Variants in PRRC2C observed in about 807,000 individuals in gnomAD.
PRRC2C encodes protein PRRC2C.
In PRRC2C, 72 loss-of-function variants were observed where a neutral mutation model predicts 317.2. The observed-to-expected ratio is 0.23, with a 90% CI of 0.19 to 0.28. The LOEUF is 0.28. Ranked by LOEUF, PRRC2C falls within the 10% of genes least tolerant of loss-of-function variation. PRRC2C has a pLI of 1.00. For missense variants in PRRC2C, 3,074 were observed against 3,459.7 expected (o/e 0.89, Z 2.80); for synonymous variants, 1,296 against 1,205.9 (o/e 1.07, Z -1.55).
At chr1:171,560,959 G>A in intron 19 of PRRC2C, 59 bp from the exon 20 acceptor site, 1 of 1,339,190 alleles carries the variant, frequency 7.5e-7, no homozygotes, top group East Asian at 2.3e-5. Context: ...GGGTTAAATG[G>A]GTTAGAGATT....
intron 17 of PRRC2C, among the ~76,000 whole-genome samples, chr1:171,548,897 G>A (rs1679667667): frequency 6.6e-6 from 1 of 152,046 alleles, no homozygotes; most frequent in East Asian, 1.9e-4. Flanking sequence ...GCTCTCCCAG[G>A]CTGGAGTGCA....
chr1:171,577,212 GAT>G (rs1647237720), intron 25 of PRRC2C, among the ~76,000 whole-genome samples: 1 of 151,956 alleles, frequency 6.6e-6, no homozygotes, highest in South Asian at 2.1e-4. Context: ...TTCTTGTTTT[GAT>G]TTTCTGTTGT....
chr1:171,532,469 G>T lies in PRRC2C; in HGVS notation c.1381G>T (p.Val461Leu). 6.2e-7 allele frequency: 1 copy of T among 1,613,522 alleles called. No homozygotes were observed. Among genetic ancestry groups the T allele is most frequent in the Non-Finnish European group, 8.5e-7 (1 of 1,179,688 alleles). The change falls in exon 12 of 35, where the codon GTA becomes TTA. Residue 461 changes from valine (V) to leucine (L), a missense_variant. This residue lies in a region of PRRC2C where 1,320 missense variants were observed against 1,395.7 expected (regional missense o/e 0.95). Coordinates refer to ENST00000647382, the MANE Select transcript of PRRC2C (RefSeq NM_001387844.1). ...RRQQSEISAA[V>L]ERARKRREEE... ...ACAACAATCAGAAATTTCTGCAGCA[G>T]TAGAACGTGCTCGTAAACGGCGTGA...
intron 25 of PRRC2C, among the ~76,000 whole-genome samples, chr1:171,575,918 C>T (rs1175044160): frequency 1.3e-5 from 2 of 152,146 alleles, no homozygotes; most frequent in South Asian, 4.1e-4. Context: ...GACTGGTTCT[C>T]ATTCAATATT....
Position 171,557,685 on chromosome 1 carries a change from T to G in PRRC2C, c.5573T>G (p.Leu1858Arg), listed in dbSNP as rs1377917964. 1.9e-6 allele frequency: 3 copies of G among 1,551,292 alleles called. No individual in the cohort carries two copies. In the Admixed American group the frequency reaches 5.9e-5, roughly 30 times the overall value. ...SVSTPASVTI[L>R]ASASIPILAS... The stretch of plus-strand genomic sequence containing the variant: ...TCAACCCCAGCTTCTGTCACCATTC[T>G]TGCCTCAGCCTCAATTCCCATTCTT... Residue 1858 changes from leucine (L) to arginine (R), a missense_variant, in exon 19 of 35, where the codon CTT becomes CGT. Around this residue, in one of 11 missense-constraint regions of PRRC2C, gnomAD observed 640 missense variants for 676.1 expected, o/e 0.95. Coordinates refer to ENST00000647382, the MANE Select transcript of PRRC2C (RefSeq NM_001387844.1).
intron 24 of PRRC2C, 86 bp downstream of exon 24, chr1:171,571,507 A>G (rs1370066821): frequency 4.1e-6 from 4 of 980,658 alleles, no homozygotes; most frequent in Non-Finnish European, 6.4e-6. Flanking sequence ...TATTTTTACT[A>G]GATTTATGTG....
intron 1 of PRRC2C, among the ~76,000 whole-genome samples, chr1:171,505,202 A>G (rs1265008613): frequency 6.6e-6 from 1 of 151,544 alleles, no homozygotes; most frequent in East Asian, 1.9e-4. Flanking sequence ...TAATTTTTGT[A>G]TTTTTAGTAG....
At chr1:171,507,487 C>G (rs999295280) in intron 1 of PRRC2C, among the ~76,000 whole-genome samples, 1 of 151,946 alleles carries the variant, frequency 6.6e-6, no homozygotes, top group Non-Finnish European at 1.5e-5. Flanking sequence ...GGCAGACGCC[C>G]GTAGTCCCAA....
In PRRC2C at chr1:171,541,283, A is replaced by G. The variant is rs753523868; in HGVS notation, c.3817A>G (p.Ile1273Val). Residue 1273 changes from isoleucine (I) to valine (V), a missense_variant, in exon 16 of 35, where the codon ATT (isoleucine) becomes GTT (valine). This residue lies in a region of PRRC2C where 1,320 missense variants were observed against 1,395.7 expected (regional missense o/e 0.95). Transcript: ENST00000647382. This position sits in a 1 kb window ranked among gnomAD's most constrained non-coding sequence, Gnocchi z 4.1. The stretch of plus-strand genomic sequence containing the variant: ...TTCAGAGACTGACACAGACAGTGAA[A>G]TTCATGAAAGTGCAAGTGACAAGGA... The part of the protein sequence containing the change: ...RGSETDTDSE[I>V]HESASDKDSL... 2 of 1,614,032 alleles carry G rather than the reference A, an allele frequency of 1.2e-6. No individual in the cohort carries two copies. The highest frequency in any genetic ancestry group is 1.7e-6 in the Non-Finnish European group (2 of 1,179,896).
intron 1 of PRRC2C, among the ~76,000 whole-genome samples, chr1:171,488,418 A>C (rs551571669): frequency 6.6e-6 from 1 of 152,356 alleles, no homozygotes; most frequent in Admixed American, 6.5e-5. Context: ...TAACATTTTA[A>C]ATTCCTCGCT....
chr1:171,510,581 A>T (rs939263835), intron 1 of PRRC2C: 1 of 152,192 alleles, frequency 6.6e-6, no homozygotes, highest in Non-Finnish European at 1.5e-5. Flanking sequence ...TCTTTTCACA[A>T]CATCATCATC....
At chr1:171,490,223 A>C (rs746408105) in intron 1 of PRRC2C, among the ~76,000 whole-genome samples, 2 of 152,158 alleles carry the variant, frequency 1.3e-5, no homozygotes, top group Non-Finnish European at 2.9e-5. Flanking sequence ...TGCCGTTTAA[A>C]AGGAAATTTT....
At chr1:171,563,246 T>C (rs909936113) in intron 20 of PRRC2C, among the ~76,000 whole-genome samples, 8 of 152,192 alleles carry the variant, frequency 5.3e-5, no homozygotes, top group African/African-American at 2.4e-5. Flanking sequence ...TCAAGTCTCA[T>C]ATAAAATGAA....
chr1:171,515,829 T>C lies in PRRC2C; in HGVS notation c.496T>C (p.Tyr166His). 2.5e-6 allele frequency: 4 copies of C among 1,611,166 alleles called. No homozygotes were observed. The highest frequency in any genetic ancestry group is 3.4e-6 in the Non-Finnish European group (4 of 1,178,534). Residue 166 changes from tyrosine (Y) to histidine (H), a missense_variant, in exon 5 of 35, where the codon TAT (tyrosine) becomes CAT (histidine). Tyr to His is a moderately conservative substitution (Grantham distance 83, BLOSUM62 2). Transcript: ENST00000647382. The part of the protein sequence containing the change: ...KKEKETNDDN[Y>H]GPGPSLRPPN... ...AGAAAAGGAAACAAATGATGACAACTATGGACCTGGACCCAGTTTACGTCC... is the reference window on the plus strand; with the variant it reads ...AGAAAAGGAAACAAATGATGACAACCATGGACCTGGACCCAGTTTACGTCC...
Position 171,535,413 on chromosome 1 carries a change from CT to C in PRRC2C, c.1874-11del. ...ATAGATGAATACTATTACCTTTCAC[CT>C]TTTCTTTGAGCAGAGGAGGAACCCG... On this transcript the variant is annotated splice_polypyrimidine_tract_variant and intron_variant, in intron 12 of 34. Coordinates refer to ENST00000647382, the MANE Select transcript of PRRC2C (RefSeq NM_001387844.1). 1.2e-6 allele frequency: 2 copies of C among 1,605,252 alleles called. No individual in the cohort carries two copies. Among genetic ancestry groups the C allele is most frequent in the Admixed American group, 1.7e-5 (1 of 58,132 alleles).
chr1:171,503,694 C>T (rs186881516), intron 1 of PRRC2C, among the ~76,000 whole-genome samples: 1 of 152,194 alleles, frequency 6.6e-6, no homozygotes, highest in East Asian at 1.9e-4. Flanking sequence ...TTCCCAAATA[C>T]AAATGATGCT....
At chr1:171,511,431 A>G (rs560331522) in intron 1 of PRRC2C, 1 of 152,302 alleles carries the variant, frequency 6.6e-6, no homozygotes, top group Admixed American at 6.5e-5. Flanking sequence ...GGAACTTTAT[A>G]TATGCTTTGA....
At chr1:171,554,111 T>C (rs1052258558) in intron 18 of PRRC2C, among the ~76,000 whole-genome samples, 5 of 152,198 alleles carry the variant, frequency 3.3e-5, no homozygotes, top group African/African-American at 1.2e-4. Context: ...TAAGTCTCTT[T>C]GTAGGTCTCT....
In PRRC2C at chr1:171,584,624, T is replaced by A. The variant is rs567067870; in HGVS notation, c.7749+98T>A. On this transcript the variant is annotated intron_variant, in intron 30 of 34. Coordinates refer to ENST00000647382, the MANE Select transcript of PRRC2C (RefSeq NM_001387844.1). ...ATTTAAATTGAACCAAGATGCAAGA[T>A]GGAGGATGGTTTTTAAACTGTTCAC... The A allele has an allele frequency of 2.8e-5, 38 of 1,365,678 alleles. No homozygotes were observed. The African/African-American group carries it at 5.0e-4, about 18-fold the overall frequency. The allele number at this position is 1,365,678 out of a possible 1,614,324, so 84.6% of individuals were successfully genotyped here.
Sources: allele counts gnomAD v4.1 joint callset (sites outside exome capture counted in the v4.1 genomes callset), GRCh38; gene constraint gnomAD v4.1.1; regional missense constraint gnomAD v4.1.1; non-coding constraint Gnocchi (gnomAD v3.1); transcripts MANE v1.5; gene names NCBI Gene and HGNC (gene_info 2026-07-23, HGNC 2026-07-21).